The following IGSF11 variants were observed in gnomAD, a reference collection of about 807,000 sequenced individuals.
The protein encoded by IGSF11 is immunoglobulin superfamily member 11, also known as CXADR like 1.
IGSF11 carries 22 observed loss-of-function variants against 41.0 expected under a neutral mutation model. The observed-to-expected ratio is 0.54, with a 90% CI of 0.38 to 0.77. IGSF11 has a LOEUF of 0.77. Ranked by LOEUF, IGSF11 falls within the 30% of genes least tolerant of loss-of-function variation. The probability of loss-of-function intolerance (pLI) is 0.00; values close to 1 mark genes in which losing one functional copy is unlikely to be tolerated. For missense variants in IGSF11, 444 were observed against 530.8 expected (o/e 0.84, Z 1.61); for synonymous variants, 219 against 201.3 (o/e 1.09, Z -0.74).
chr3:119,143,510 C>T (rs1213547063), intron 1 of IGSF11, among the ~76,000 whole-genome samples: 3 of 151,724 alleles, frequency 2.0e-5, no homozygotes, highest in African/African-American at 7.3e-5. Context: ...CAACATGATA[C>T]ACTATAAAAA....
rs72966887 is a variant in IGSF11, at chr3:118,931,381, T to C, written c.53-1106A>G. Among the ~76,000 whole-genome samples, 204 of 152,308 alleles carry C rather than the reference T, an allele frequency of 1.3e-3. 1 individual carries two copies. Among genetic ancestry groups the C allele is most frequent in the African/African-American group, 4.7e-3 (196 of 41,576 alleles). ...GTTCATAACAGCATTATTTATATCA[T>C]GTCCTGAAAAGGAAATAATACAAAT... On this transcript the variant is annotated intron_variant, in intron 1 of 6. Coordinates refer to ENST00000393775, the MANE Select transcript of IGSF11 (RefSeq NM_001015887.3).
chr3:119,008,807 A>C (rs549501857), intron 1 of IGSF11, among the ~76,000 whole-genome samples: 1 of 152,210 alleles, frequency 6.6e-6, no homozygotes, highest in African/African-American at 2.4e-5. Flanking sequence ...CATTGGACTG[A>C]GTACAGCAGA....
chr3:118,963,031 T>A (rs1945446958), intron 1 of IGSF11, among the ~76,000 whole-genome samples: 1 of 152,052 alleles, frequency 6.6e-6, no homozygotes, highest in Admixed American at 6.6e-5. Flanking sequence ...CACAGATGAT[T>A]GGACAATTAG....
intron 1 of IGSF11, among the ~76,000 whole-genome samples, chr3:118,933,396 T>A (rs1031345019): frequency 6.6e-6 from 1 of 151,678 alleles, no homozygotes; most frequent in Non-Finnish European, 1.5e-5. Flanking sequence ...CCACTACTAT[T>A]GCTAGCTAAT....
chr3:118,956,463 C>G (rs1944963583), intron 1 of IGSF11, among the ~76,000 whole-genome samples: 1 of 152,182 alleles, frequency 6.6e-6, no homozygotes, highest in Non-Finnish European at 1.5e-5. Context: ...TGTAGCTCTT[C>G]CCTTTCACTT....
At chr3:119,113,264 A>G (rs2077208691) in intron 1 of IGSF11, among the ~76,000 whole-genome samples, 1 of 152,124 alleles carries the variant, frequency 6.6e-6, no homozygotes, top group Non-Finnish European at 1.5e-5. Context: ...AGTCCCCCAA[A>G]GTCTTAACTC....
intron 4 of IGSF11, among the ~76,000 whole-genome samples, chr3:118,907,823 A>C (rs1168501813): frequency 1.3e-5 from 2 of 152,154 alleles, no homozygotes; most frequent in Non-Finnish European, 2.9e-5. Flanking sequence ...CCATACATAC[A>C]CTTGGCACTC....
chr3:119,116,075 AAC>A (rs1261298719), intron 1 of IGSF11, among the ~76,000 whole-genome samples: 1 of 152,222 alleles, frequency 6.6e-6, no homozygotes, highest in Non-Finnish European at 1.5e-5. Context: ...TTAATTGCAC[AAC>A]AGAGTGCTCA....
chr3:119,004,066 G>A (rs1937204493), intron 1 of IGSF11, among the ~76,000 whole-genome samples: 1 of 151,648 alleles, frequency 6.6e-6, no homozygotes, highest in Non-Finnish European at 1.5e-5. Context: ...ACCTCTGGTA[G>A]AATTCGGCTG....
chr3:119,106,549 T>C (rs1413144555), upstream of IGSF11, among the ~76,000 whole-genome samples: 1 of 152,226 alleles, frequency 6.6e-6, no homozygotes, highest in African/African-American at 2.4e-5. Flanking sequence ...TTCTTTTTTA[T>C]GGCTGAATAG....
chr3:119,132,619 A>C (rs2077501108), intron 1 of IGSF11, among the ~76,000 whole-genome samples: 1 of 152,162 alleles, frequency 6.6e-6, no homozygotes, highest in African/African-American at 2.4e-5. Flanking sequence ...GCATAATAAT[A>C]ATGGGAGACT....
At chr3:119,107,431 GTTGT>G (rs1299488613), upstream of IGSF11, among the ~76,000 whole-genome samples, 4 of 152,158 alleles carry the variant, frequency 2.6e-5, no homozygotes, top group Non-Finnish European at 4.4e-5. Context: ...TTTTGATGGG[GTTGT>G]TTGTTTTTTT....
intron 1 of IGSF11, among the ~76,000 whole-genome samples, chr3:119,073,681 G>A (rs547595144): frequency 7.9e-5 from 12 of 152,318 alleles, no homozygotes; most frequent in East Asian, 1.9e-4. Context: ...CGGGAGCACC[G>A]GCCGGCTGCT....
At chr3:119,028,119 T>C (rs1940000392) in intron 1 of IGSF11, among the ~76,000 whole-genome samples, 1 of 152,238 alleles carries the variant, frequency 6.6e-6, no homozygotes, top group South Asian at 2.1e-4. Context: ...TTAAGCCATC[T>C]TTAAGCATAT....
intron 1 of IGSF11, among the ~76,000 whole-genome samples, chr3:118,966,813 C>A (rs1945714284): frequency 6.6e-6 from 1 of 152,150 alleles, no homozygotes; most frequent in Non-Finnish European, 1.5e-5. Context: ...CTTTCACAAA[C>A]TGAATGTCCA....
At chr3:118,910,597 CTT>C (rs1486574496) in intron 4 of IGSF11, among the ~76,000 whole-genome samples, 6 of 152,276 alleles carry the variant, frequency 3.9e-5, no homozygotes, top group East Asian at 1.9e-4. Flanking sequence ...CTGGTGATCT[CTT>C]GTTTATAAAT....
rs527935706 is a variant in IGSF11, at chr3:119,111,758, G to A, written c.-13-6553C>T. On this transcript the variant is annotated intron_variant, in intron 1 of 7. Coordinates refer to the IGSF11 transcript ENST00000425327. ...TGGTCTTTGATGATGGTGATGTACA[G>A]ATGGGTTTTTGGTGTGGATGTTCTT... is the stretch of plus-strand genomic sequence containing the variant. Among the ~76,000 whole-genome samples the A allele has an allele frequency of 2.6e-5, 4 of 152,322 alleles. No individual in the cohort carries two copies. The East Asian group carries it at 7.7e-4, about 29-fold the overall frequency.
At position 118,977,872 on chromosome 3, in the gene IGSF11, A is replaced by G. The variant is rs181802201; in HGVS notation, c.53-47597T>C. 2.6e-5 allele frequency among the ~76,000 whole-genome samples: 4 copies of G among 152,294 alleles called. No homozygotes were observed. The East Asian group carries it at 7.7e-4, about 29-fold the overall frequency. On this transcript the variant is annotated intron_variant, in intron 1 of 6. Transcript: ENST00000393775. ...TGCCATTTTAAGAGCCTAGCCCACA[A>G]TGGACTACGTCCTGCCCTGCAACCA...
At chr3:118,939,994 CA>C in intron 1 of IGSF11, among the ~76,000 whole-genome samples, 1 of 152,022 alleles carries the variant, frequency 6.6e-6, no homozygotes, top group Admixed American at 6.6e-5. Flanking sequence ...CACAAATTAT[CA>C]ATTCAGATAT....
Sources: allele counts gnomAD v4.1 joint callset (sites outside exome capture counted in the v4.1 genomes callset), GRCh38; gene constraint gnomAD v4.1.1; transcripts MANE v1.5; gene names NCBI Gene and HGNC (gene_info 2026-07-23, HGNC 2026-07-21).